Variants in SLIT2 observed in about 807,000 individuals in gnomAD.
SLIT2 encodes slit guidance ligand 2, also known as slit homolog 2 protein.
A neutral mutation model predicts 185.7 loss-of-function variants in SLIT2; 41 were observed. That is an observed-to-expected ratio of 0.22 (90% CI 0.17 to 0.29). The LOEUF (loss-of-function observed/expected upper bound fraction) is 0.29, where lower values mean the gene tolerates loss of function less well. Ranked by LOEUF, SLIT2 falls within the 10% of genes least tolerant of loss-of-function variation. The pLI, the probability that SLIT2 is intolerant of heterozygous loss-of-function variation, is 1.00. For synonymous variants in SLIT2, 693 were observed against 680.2 expected, an observed-to-expected ratio of 1.02 and a Z score of -0.29; for missense variants, 1,571 against 1,909.0, an observed-to-expected ratio of 0.82 and a Z score of 3.30.
chr4:20,446,230 G>A (rs1159708061), intron 4 of SLIT2, among the ~76,000 whole-genome samples: 2 of 152,142 alleles, frequency 1.3e-5, no homozygotes, highest in Non-Finnish European at 2.9e-5. Flanking sequence ...GCTGAGAATT[G>A]TTAACAACAG....
At chr4:20,281,541 G>A (rs142767253) in intron 4 of SLIT2, among the ~76,000 whole-genome samples, 19 of 152,234 alleles carry the variant, frequency 1.2e-4, no homozygotes, top group African/African-American at 4.6e-4. Flanking sequence ...TTTCTAAGAG[G>A]AGAGCTTCTC....
intron 4 of SLIT2, among the ~76,000 whole-genome samples, chr4:20,464,098 A>G (rs146740801): frequency 2.0e-4 from 31 of 152,034 alleles, no homozygotes; most frequent in Admixed American, 7.9e-4. Flanking sequence ...TTTTCTGTTT[A>G]TAGTGTGGAC....
intron 4 of SLIT2, among the ~76,000 whole-genome samples, chr4:20,379,903 G>T (rs918192966): frequency 7.2e-5 from 11 of 152,102 alleles, no homozygotes; most frequent in Non-Finnish European, 1.2e-4. Context: ...TCGAAGTTCA[G>T]GGAGGACGAG....
At chr4:20,312,428 T>G (rs17608912) in intron 4 of SLIT2, among the ~76,000 whole-genome samples, 41,298 of 152,084 alleles carry the variant, frequency 0.27, 6,059 homozygotes, top group Middle Eastern at 0.38. Flanking sequence ...TAATTCATAT[T>G]GATAAAGTGT....
chr4:20,298,316 C>G (rs530492315), intron 4 of SLIT2, among the ~76,000 whole-genome samples: 1 of 151,894 alleles, frequency 6.6e-6, no homozygotes, highest in African/African-American at 2.4e-5. Context: ...CTTGAACTCC[C>G]GACCTCAGGT....
chr4:20,324,192 G>A (rs552573011), intron 4 of SLIT2, among the ~76,000 whole-genome samples: 14 of 152,248 alleles, frequency 9.2e-5, no homozygotes, highest in Admixed American at 2.6e-4. Context: ...AGATCCTTGC[G>A]ATAGAGTCTT....
At chr4:20,541,155 C>T (rs909146627) in intron 19 of SLIT2, among the ~76,000 whole-genome samples, 1 of 152,158 alleles carries the variant, frequency 6.6e-6, no homozygotes, top group South Asian at 2.1e-4. Flanking sequence ...AAATATCTAT[C>T]AGGATCCACT....
chr4:20,253,593 C>G lies in SLIT2; in HGVS notation c.-223C>G, dbSNP rs1449774185. ...TTCATCCTCAGGACCTAAAGTTGCC[C>G]AAGGAGCTCCTGCTCTGCCAGAGGA... On this transcript the variant is annotated 5_prime_UTR_variant, in exon 1 of 37. Coordinates refer to ENST00000504154, the MANE Select transcript of SLIT2 (RefSeq NM_004787.4). 1 of 594,178 alleles carries G rather than the reference C, an allele frequency of 1.7e-6. No homozygotes were observed. Among genetic ancestry groups the G allele is most frequent in the Non-Finnish European group, 3.0e-6 (1 of 335,652 alleles). The allele number at this position is 594,178 out of a possible 1,614,324, so 36.8% of individuals were successfully genotyped here.
rs565698403 is a variant in SLIT2 at position 20,505,077 on chromosome 4, G to T, written c.915-5418G>T. On this transcript the variant is annotated intron_variant, in intron 9 of 36. Coordinates refer to ENST00000504154, the MANE Select transcript of SLIT2 (RefSeq NM_004787.4). ...GACTTTTTATTATTTAATATATTGT[G>T]CTATATATTCTATTTTTGATTGCAT... 1.1e-4 allele frequency among the ~76,000 whole-genome samples: 16 copies of T among 151,870 alleles called. No homozygotes were observed. In the East Asian group the frequency reaches 3.1e-3, roughly 29 times the overall value.
intron 4 of SLIT2, among the ~76,000 whole-genome samples, chr4:20,457,266 G>T (rs1031133772): frequency 6.6e-6 from 1 of 151,914 alleles, no homozygotes; most frequent in Non-Finnish European, 1.5e-5. Context: ...GGCAGCTAAT[G>T]ATTACAATCC....
chr4:20,389,196 TATC>T (rs938068939), intron 4 of SLIT2, among the ~76,000 whole-genome samples: 47 of 151,732 alleles, frequency 3.1e-4, no homozygotes, highest in African/African-American at 1.1e-3. Flanking sequence ...TTAGAGATAT[TATC>T]ATCACTAATA....
chr4:20,609,145 A>G (rs1420664115), intron 33 of SLIT2, among the ~76,000 whole-genome samples: 1 of 152,172 alleles, frequency 6.6e-6, no homozygotes, highest in Non-Finnish European at 1.5e-5. Context: ...TGTAAAACAT[A>G]TTTACTAATT....
At chr4:20,587,638 T>A (rs1227532435) in intron 29 of SLIT2, among the ~76,000 whole-genome samples, 1 of 152,190 alleles carries the variant, frequency 6.6e-6, no homozygotes. Flanking sequence ...CAGTTTTATT[T>A]TTTTAGAGAT....
At chr4:20,344,844 A>AG (rs891695806) in intron 4 of SLIT2, among the ~76,000 whole-genome samples, 1 of 151,922 alleles carries the variant, frequency 6.6e-6, no homozygotes, top group Non-Finnish European at 1.5e-5. Context: ...TCTTTCTGTT[A>AG]TTTTTTCTGC....
At chr4:20,436,211 T>A (rs1001681907) in intron 4 of SLIT2, among the ~76,000 whole-genome samples, 7 of 152,186 alleles carry the variant, frequency 4.6e-5, no homozygotes, top group Non-Finnish European at 1.0e-4. Context: ...ATAATAAGAT[T>A]ACTCTCCTTG....
chr4:20,565,814 AAAC>A (rs1167551142), intron 26 of SLIT2, among the ~76,000 whole-genome samples: 1 of 152,000 alleles, frequency 6.6e-6, no homozygotes, highest in Non-Finnish European at 1.5e-5. Context: ...AACAAACAAA[AAAC>A]AATTTCTATG....
chr4:20,287,833 G>A (rs1419039859), intron 4 of SLIT2, among the ~76,000 whole-genome samples: 3 of 152,008 alleles, frequency 2.0e-5, no homozygotes, highest in Non-Finnish European at 2.9e-5. Flanking sequence ...AGGAGAGGCT[G>A]GATAAATACT....
intron 11 of SLIT2, 122 bp downstream of exon 11, chr4:20,511,259 T>C (rs1212288363): frequency 1.7e-6 from 1 of 579,862 alleles, no homozygotes; most frequent in African/African-American, 1.9e-5. Context: ...TTATTAATAA[T>C]GTTAATTATT....
rs1319199483 is a variant in SLIT2 at position 20,478,494 on chromosome 4, T to C, written c.468-2222T>C. Among the ~76,000 whole-genome samples, 6 of 152,206 alleles carry C rather than the reference T, an allele frequency of 3.9e-5. No individual in the cohort carries two copies. The East Asian group carries it at 1.2e-3, about 29-fold the overall frequency. On this transcript the variant is annotated intron_variant, in intron 5 of 36. Coordinates refer to ENST00000504154, the MANE Select transcript of SLIT2 (RefSeq NM_004787.4). ...AAAGTAGTTGGCCTTCCATTCCTTG[T>C]AGGACAAGGTTTGCTTGAGTGCTTT... is the stretch of plus-strand genomic sequence containing the variant.
Sources: allele counts gnomAD v4.1 joint callset (sites outside exome capture counted in the v4.1 genomes callset), GRCh38; gene constraint gnomAD v4.1.1; transcripts MANE v1.5; gene names NCBI Gene and HGNC (gene_info 2026-07-23, HGNC 2026-07-21).